The following CFAP61 variants were observed in gnomAD, a reference collection of about 807,000 sequenced individuals.
CFAP61 encodes cilia- and flagella-associated protein 61.
A neutral mutation model predicts 135.6 loss-of-function variants in CFAP61; 107 were observed. The observed-to-expected ratio is 0.79, with a 90% CI of 0.67 to 0.93. The LOEUF (loss-of-function observed/expected upper bound fraction) is 0.93, where lower values mean the gene tolerates loss of function less well. CFAP61 is among the 40% of genes least tolerant of loss of function. CFAP61 has a pLI of 0.00. For missense variants in CFAP61, 1,507 were observed against 1,556.2 expected, an observed-to-expected ratio of 0.97 and a Z score of 0.53; for synonymous variants, 575 against 578.5, an observed-to-expected ratio of 0.99 and a Z score of 0.09.
At chr20:20,322,080 C>T (rs2057544436) in intron 25 of CFAP61, among the ~76,000 whole-genome samples, 1 of 152,130 alleles carries the variant, frequency 6.6e-6, no homozygotes. Flanking sequence ...GCAAGTGTCC[C>T]AGCTGAGCCA....
chr20:20,356,023 G>C (rs1275242786), intron 26 of CFAP61, among the ~76,000 whole-genome samples: 1 of 147,406 alleles, frequency 6.8e-6, no homozygotes, highest in African/African-American at 2.5e-5. Context: ...ACTGTGAGAG[G>C]GGAGGTGACC....
intron 18 of CFAP61, among the ~76,000 whole-genome samples, chr20:20,238,337 G>T (rs181906013): frequency 3.9e-5 from 6 of 152,272 alleles, no homozygotes; most frequent in Non-Finnish European, 8.8e-5. Context: ...TATGTAGATA[G>T]GTTAAATATC....
rs1206624560 is a variant in CFAP61, at chr20:20,330,729, C to A, written c.3423-11102C>A. Among the ~76,000 whole-genome samples, 6 of 152,266 alleles carry A rather than the reference C, an allele frequency of 3.9e-5. No homozygotes were observed. The South Asian group carries it at 6.2e-4, about 16-fold the overall frequency. ...GGGCTTCAGCAGGTGCAGCGGTGGG[C>A]CTCTGTTTTCCTACCTGTAGAACAA... On this transcript the variant is annotated intron_variant, in intron 25 of 26. Transcript: ENST00000245957.
At chr20:20,205,998 T>C in intron 17 of CFAP61, among the ~76,000 whole-genome samples, 1 of 150,686 alleles carries the variant, frequency 6.6e-6, no homozygotes, top group African/African-American at 2.4e-5. Flanking sequence ...TTTTTTGGGG[T>C]GGGGGTTGGG....
At chr20:20,088,279 A>G (rs1363455189) in intron 6 of CFAP61, among the ~76,000 whole-genome samples, 1 of 152,136 alleles carries the variant, frequency 6.6e-6, no homozygotes, top group Non-Finnish European at 1.5e-5. Flanking sequence ...GAGTTTTGAC[A>G]AGAGGTGTAT....
chr20:20,082,094 A>G (rs141525308), intron 6 of CFAP61, among the ~76,000 whole-genome samples: 21 of 152,380 alleles, frequency 1.4e-4, no homozygotes, highest in African/African-American at 4.8e-4. Context: ...CAACGCTAGA[A>G]AAATGGAGAC....
intron 13 of CFAP61, among the ~76,000 whole-genome samples, chr20:20,170,417 C>T (rs1334484567): frequency 6.6e-6 from 1 of 151,382 alleles, no homozygotes; most frequent in Middle Eastern, 3.2e-3. Context: ...TAAAAAAAAT[C>T]ACTTAATACC....
chr20:20,314,995 A>G, intron 25 of CFAP61, among the ~76,000 whole-genome samples: 1 of 114,084 alleles, frequency 8.8e-6, no homozygotes, highest in South Asian at 3.0e-4. Flanking sequence ...TGCAATAAAC[A>G]TATGTGTGCA....
intron 25 of CFAP61, among the ~76,000 whole-genome samples, chr20:20,338,532 G>A (rs1419784860): frequency 3.3e-5 from 5 of 152,216 alleles, no homozygotes; most frequent in East Asian, 3.8e-4. Flanking sequence ...ATAGTTGAGC[G>A]CGGACCGCCA....
intron 7 of CFAP61, among the ~76,000 whole-genome samples, chr20:20,092,368 CA>C (rs2047263745): frequency 6.6e-6 from 1 of 152,200 alleles, no homozygotes; most frequent in Non-Finnish European, 1.5e-5. Flanking sequence ...GCCCAAAAGG[CA>C]GCCCACACCC....
At chr20:20,144,236 A>T (rs887100875) in intron 9 of CFAP61, among the ~76,000 whole-genome samples, 1 of 152,244 alleles carries the variant, frequency 6.6e-6, no homozygotes, top group Non-Finnish European at 1.5e-5. Flanking sequence ...CTGGTAATAT[A>T]TTATGCATAA....
intron 16 of CFAP61, 86 bp from the exon 17 acceptor site, chr20:20,199,682 T>G: frequency 2.7e-6 from 4 of 1,461,078 alleles, no homozygotes; most frequent in East Asian, 2.3e-5. Context: ...GAGTTAAGAG[T>G]TTTGTATTTG....
intron 8 of CFAP61, among the ~76,000 whole-genome samples, chr20:20,120,576 A>T (rs1399071098): frequency 2.0e-5 from 3 of 152,196 alleles, no homozygotes; most frequent in African/African-American, 7.2e-5. Context: ...AGAATGTTTC[A>T]TGTGCTGTTG....
At chr20:20,251,454 TCTC>T (rs1210408544) in intron 19 of CFAP61, 138 bp from the exon 20 acceptor site, 1 of 589,010 alleles carries the variant, frequency 1.7e-6, no homozygotes, top group Non-Finnish European at 2.9e-6. Flanking sequence ...TAACGAAAAA[TCTC>T]CTAGTATCAG....
chr20:20,297,493 A>T (rs1482798722), intron 24 of CFAP61, among the ~76,000 whole-genome samples: 1 of 152,114 alleles, frequency 6.6e-6, no homozygotes, highest in African/African-American at 2.4e-5. Flanking sequence ...GAAATAGAAG[A>T]AGTCACTGTG....
intron 26 of CFAP61, among the ~76,000 whole-genome samples, chr20:20,350,833 T>C (rs917522612): frequency 2.0e-5 from 3 of 152,174 alleles, no homozygotes; most frequent in African/African-American, 4.8e-5. Context: ...GAGGTACTGA[T>C]ACAAAGCACA....
chr20:20,251,266 C>T (rs934813097), intron 19 of CFAP61, among the ~76,000 whole-genome samples: 7 of 151,910 alleles, frequency 4.6e-5, no homozygotes, highest in Non-Finnish European at 8.8e-5. Flanking sequence ...AATTTACAAC[C>T]ACTCTGAAGT....
At chr20:20,215,930 G>C (rs1358786895) in intron 17 of CFAP61, among the ~76,000 whole-genome samples, 1 of 152,070 alleles carries the variant, frequency 6.6e-6, no homozygotes, top group African/African-American at 2.4e-5. Context: ...ACCCTCAAAA[G>C]TGGCATTAAT....
intron 8 of CFAP61, among the ~76,000 whole-genome samples, chr20:20,107,432 C>T (rs901681963): frequency 6.6e-6 from 1 of 152,026 alleles, no homozygotes; most frequent in African/African-American, 2.4e-5. Context: ...TTCCATTTCT[C>T]CTCAAGGTAG....
Sources: allele counts gnomAD v4.1 joint callset (sites outside exome capture counted in the v4.1 genomes callset), GRCh38; gene constraint gnomAD v4.1.1; transcripts MANE v1.5; gene names NCBI Gene and HGNC (gene_info 2026-07-23, HGNC 2026-07-21).